ITGA4: variants seen among roughly 807,000 people sequenced by gnomAD.
The protein encoded by ITGA4 is integrin subunit alpha 4.
In ITGA4, 63 loss-of-function variants were observed where a neutral mutation model predicts 133.6. The ratio of observed to expected loss-of-function variants is 0.47; its 90% CI spans 0.38 to 0.58. ITGA4 has a LOEUF of 0.58. Ranked by LOEUF, ITGA4 falls within the 20% of genes least tolerant of loss-of-function variation. The pLI is 0.00. For missense variants in ITGA4, 1,076 were observed against 1,252.7 expected, an observed-to-expected ratio of 0.86 and a Z score of 2.13; for synonymous variants, 483 against 438.0, an observed-to-expected ratio of 1.10 and a Z score of -1.28.
intron 17 of ITGA4, among the ~76,000 whole-genome samples, chr2:181,520,294 T>C (rs1322643328): frequency 6.6e-6 from 1 of 152,052 alleles, no homozygotes; most frequent in Non-Finnish European, 1.5e-5. Context: ...GAGTGCTAGT[T>C]TGAAGGAAGA....
intron 25 of ITGA4, among the ~76,000 whole-genome samples, chr2:181,532,675 C>A (rs1449684115): frequency 6.6e-6 from 1 of 152,120 alleles, no homozygotes; most frequent in Non-Finnish European, 1.5e-5. Context: ...TCTAAATATA[C>A]AATCATGTCA....
intron 17 of ITGA4, among the ~76,000 whole-genome samples, chr2:181,517,371 T>A (rs966226693): frequency 2.0e-5 from 3 of 152,108 alleles, no homozygotes; most frequent in Non-Finnish European, 2.9e-5. Flanking sequence ...AGCTATATTA[T>A]TCACTCAGAA....
chr2:181,460,259 A>G (rs1465342305), intron 2 of ITGA4, among the ~76,000 whole-genome samples: 2 of 152,356 alleles, frequency 1.3e-5, no homozygotes, highest in South Asian at 2.1e-4. Context: ...AAACATTAAT[A>G]GTGATAGTAA....
In ITGA4 at chr2:181,493,345, C is replaced by A; in HGVS notation, c.1174C>A (p.Gln392Lys). The A allele has an allele frequency of 6.2e-7, 1 of 1,610,294 alleles. No individual in the cohort carries two copies. The highest frequency in any genetic ancestry group is 8.5e-7 in the Non-Finnish European group (1 of 1,177,648). Residue 392 changes from glutamine (Q) to lysine (K), a missense_variant, in exon 11 of 28, where the codon CAA becomes AAA. Transcript: ENST00000397033. Reference protein sequence around the residue: ...GFEDVAIGAPQEDDLQGAIYI... With the variant: ...GFEDVAIGAPKEDDLQGAIYI... ...GATAGATGTTGCTATCGGAGCTCCA[C>A]AAGAAGATGACTTGCAAGGTGCTAT...
chr2:181,507,142 C>T (rs908075210), intron 15 of ITGA4, among the ~76,000 whole-genome samples: 5 of 152,074 alleles, frequency 3.3e-5, no homozygotes, highest in Admixed American at 1.3e-4. Flanking sequence ...ACCAATTCAT[C>T]AAATTATCTC....
chr2:181,523,207 CAT>C lies in ITGA4; in HGVS notation c.2074-224_2074-223del, dbSNP rs1001117795. On this transcript the variant is annotated intron_variant, in intron 18 of 27. Coordinates refer to ENST00000397033, the MANE Select transcript of ITGA4 (RefSeq NM_000885.6). This position sits in a 1 kb window ranked among gnomAD's most constrained non-coding sequence, Gnocchi z 4.2. The stretch of plus-strand genomic sequence containing the variant: ...ACACATACACATATATATACACACA[CAT>C]ATATACACACATATATACATACATA... 44 of 357,600 alleles carry C rather than the reference CAT, an allele frequency of 1.2e-4. No homozygotes were observed. The highest frequency in any genetic ancestry group is 8.4e-4 in the Middle Eastern group (1 of 1,186). 22.2% of individuals were successfully genotyped at this position (357,600 alleles called of 1,614,324 possible).
At chr2:181,521,055 A>G (rs1394342983) in intron 17 of ITGA4, among the ~76,000 whole-genome samples, 1 of 146,696 alleles carries the variant, frequency 6.8e-6, no homozygotes, top group Non-Finnish European at 1.5e-5. Flanking sequence ...CAATTTAAAC[A>G]TTATTGAAGA....
chr2:181,457,994 C>A, intron 1 of ITGA4, 143 bp downstream of exon 1: 1 of 1,131,806 alleles, frequency 8.8e-7, no homozygotes, highest in Non-Finnish European at 1.2e-6. Context: ...CGCTGGAAAT[C>A]TGCCAGGGAA....
intron 2 of ITGA4, among the ~76,000 whole-genome samples, chr2:181,463,735 C>A (rs137964287): frequency 6.6e-6 from 1 of 151,994 alleles, no homozygotes; most frequent in African/African-American, 2.4e-5. Flanking sequence ...ATGATCAGTT[C>A]CATGTATGGG....
intron 4 of ITGA4, among the ~76,000 whole-genome samples, chr2:181,477,012 C>T (rs755309236): frequency 6.0e-4 from 91 of 152,090 alleles, no homozygotes; most frequent in Non-Finnish European, 1.0e-3. Context: ...TGAAAAACTA[C>T]CTATCAGGTA....
chr2:181,512,022 A>G (rs970389193), intron 17 of ITGA4, among the ~76,000 whole-genome samples: 1 of 152,122 alleles, frequency 6.6e-6, no homozygotes, highest in African/African-American at 2.4e-5. Context: ...AATTCATAGA[A>G]GGGGAAACAG....
chr2:181,520,022 C>A (rs1206601480), intron 17 of ITGA4, among the ~76,000 whole-genome samples: 1 of 152,124 alleles, frequency 6.6e-6, no homozygotes, highest in African/African-American at 2.4e-5. Flanking sequence ...GATCCAGCAT[C>A]TTCTCCCCAA....
Position 181,475,075 on chromosome 2 carries a change from T to A in ITGA4, c.426+9T>A, listed in dbSNP as rs1685643008. 1 of 1,613,560 alleles carries A rather than the reference T, an allele frequency of 6.2e-7. No homozygotes were observed. Among genetic ancestry groups the A allele is most frequent in the African/African-American group, 1.3e-5 (1 of 75,040 alleles). Reference sequence around the variant, plus strand: ...AAAATGGATCCATCGTGGTAGGTATTGGAACTGGTCCACAGATCCATCGTG... The same window carrying A: ...AAAATGGATCCATCGTGGTAGGTATAGGAACTGGTCCACAGATCCATCGTG... On this transcript the variant is annotated intron_variant, in intron 3 of 27. Transcript: ENST00000397033.
chr2:181,457,230 C>T (rs201046738), upstream of ITGA4: 484 of 190,156 alleles, frequency 2.5e-3, 3 homozygotes, highest in African/African-American at 0.011. Context: ...CCAGAGCCAT[C>T]CCGCGCTCTG....
Position 181,531,670 on chromosome 2 carries a change from C to T in ITGA4, c.2678C>T (p.Ala893Val). Reference sequence around the variant, plus strand: ...ATTCCCTTCAAGTACTGCATAAAAGCTGATCCACATTGTTTAAATTTCTTG... The same window carrying T: ...ATTCCCTTCAAGTACTGCATAAAAGTTGATCCACATTGTTTAAATTTCTTG... ...TDKRLLYCIK[A>V]DPHCLNFLCN... is the part of the protein sequence containing the mutation. The change falls in exon 25 of 28, where the codon GCT (alanine) becomes GTT (valine). Residue 893 changes from alanine to valine, a missense_variant. Ala to Val is a moderately conservative substitution (Grantham distance 64). This residue lies in a region of ITGA4 where 193 missense variants were observed against 172.3 expected (regional missense o/e 1.12). Transcript: ENST00000397033. 1 of 1,594,668 alleles carries T rather than the reference C, an allele frequency of 6.3e-7. No homozygotes were observed. Among genetic ancestry groups the T allele is most frequent in the Non-Finnish European group, 8.6e-7 (1 of 1,166,618 alleles).
Position 181,535,545 on chromosome 2 carries a change from A to C in ITGA4, c.*18A>C. ...ATGATTAAGGACTTCTTTCAAATTG[A>C]GAGAATGGAAAACAGACTCAGGTTG... is the stretch of plus-strand genomic sequence containing the variant. On this transcript the variant is annotated 3_prime_UTR_variant, in exon 28 of 28. Coordinates refer to ENST00000397033, the MANE Select transcript of ITGA4 (RefSeq NM_000885.6). 1 of 1,585,500 alleles carries C rather than the reference A, an allele frequency of 6.3e-7. No individual in the cohort carries two copies. The highest frequency in any genetic ancestry group is 8.6e-7 in the Non-Finnish European group (1 of 1,167,756).
chr2:181,480,747 A>C (rs1685783317), intron 6 of ITGA4, among the ~76,000 whole-genome samples: 1 of 152,168 alleles, frequency 6.6e-6, no homozygotes, highest in African/African-American at 2.4e-5. Context: ...CATGAAGCAC[A>C]TGGGTCTAAA....
chr2:181,477,599 A>T (rs1186411810), intron 4 of ITGA4, among the ~76,000 whole-genome samples: 1 of 152,164 alleles, frequency 6.6e-6, no homozygotes, highest in Non-Finnish European at 1.5e-5. Context: ...AAAGGTGCTT[A>T]ACATCACCAA....
chr2:181,518,429 GT>G (rs1397756580), intron 17 of ITGA4, among the ~76,000 whole-genome samples: 2 of 152,026 alleles, frequency 1.3e-5, no homozygotes, highest in Non-Finnish European at 2.9e-5. Context: ...GCTTATTGGG[GT>G]AAAGAACTGC....
Sources: allele counts gnomAD v4.1 joint callset (sites outside exome capture counted in the v4.1 genomes callset), GRCh38; gene constraint gnomAD v4.1.1; regional missense constraint gnomAD v4.1.1; non-coding constraint Gnocchi (gnomAD v3.1); transcripts MANE v1.5; gene names NCBI Gene and HGNC (gene_info 2026-07-23, HGNC 2026-07-21).